RSU1: variants seen among roughly 807,000 people sequenced by gnomAD.
The protein encoded by RSU1 is rsu-1.
In RSU1, 26 loss-of-function variants were observed where a neutral mutation model predicts 31.1. The observed-to-expected ratio is 0.84, with a 90% CI of 0.61 to 1.16. The LOEUF (loss-of-function observed/expected upper bound fraction) is 1.16. Ranked by LOEUF, RSU1 falls within the 50% of genes most tolerant of loss-of-function variation. The pLI, the probability that RSU1 is intolerant of heterozygous loss-of-function variation, is 0.00. For missense variants in RSU1, 320 were observed against 339.1 expected (o/e 0.94, Z 0.44); for synonymous variants, 164 against 136.3 (o/e 1.20, Z -1.41).
intron 2 of RSU1, among the ~76,000 whole-genome samples, chr10:16,814,529 T>C (rs1838486345): frequency 1.3e-5 from 2 of 151,924 alleles, no homozygotes; most frequent in Non-Finnish European, 2.9e-5. Flanking sequence ...AATACTTGTA[T>C]ATATTAAGCA....
chr10:16,647,479 C>T (rs778200809), intron 8 of RSU1, among the ~76,000 whole-genome samples: 2 of 152,136 alleles, frequency 1.3e-5, no homozygotes, highest in Non-Finnish European at 2.9e-5. Flanking sequence ...CTCATAATAG[C>T]CAGAATAACC....
In RSU1 at chr10:16,752,950, G is replaced by C; in HGVS notation, c.451C>G (p.Pro151Ala). The C allele has an allele frequency of 6.2e-7, 1 of 1,613,926 alleles. No individual in the cohort carries two copies. Among genetic ancestry groups the C allele is most frequent in the South Asian group, 1.1e-5 (1 of 91,060 alleles). Residue 151 changes from proline (P) to alanine (A), a missense_variant, in exon 6 of 9, where the codon CCA becomes GCA. Pro to Ala is a conservative substitution (Grantham distance 27, BLOSUM62 -1). Transcript: ENST00000345264. ...AACTTTGTGAGCTTCCCAATATCTG[G>C]CGGCAGGATTTCAAAATCGTTGTCA... is the stretch of plus-strand genomic sequence containing the variant. ...LSDNDFEILP[P>A]DIGKLTKLQI...
At chr10:16,746,159 T>C (rs993694741) in intron 7 of RSU1, among the ~76,000 whole-genome samples, 1 of 152,204 alleles carries the variant, frequency 6.6e-6, no homozygotes, top group Non-Finnish European at 1.5e-5. Context: ...TGAAGGGGAT[T>C]AGTATTTGTT....
chr10:16,806,076 G>A (rs959336057), intron 2 of RSU1, among the ~76,000 whole-genome samples: 2 of 152,174 alleles, frequency 1.3e-5, no homozygotes, highest in Non-Finnish European at 2.9e-5. Context: ...TGCACTTATC[G>A]ATACGAATAC....
chr10:16,641,348 C>T (rs572332488), intron 8 of RSU1, among the ~76,000 whole-genome samples: 3 of 152,044 alleles, frequency 2.0e-5, no homozygotes, highest in East Asian at 3.9e-4. Context: ...AAAAATTAAC[C>T]GGGCGTGGTG....
chr10:16,638,522 T>C (rs1834386453), intron 8 of RSU1, among the ~76,000 whole-genome samples: 1 of 152,162 alleles, frequency 6.6e-6, no homozygotes, highest in Non-Finnish European at 1.5e-5. Flanking sequence ...GTTAGTTTCT[T>C]TGCTTCCGCA....
intron 2 of RSU1, among the ~76,000 whole-genome samples, chr10:16,808,179 A>C (rs1201738153): frequency 1.3e-5 from 2 of 151,618 alleles, no homozygotes; most frequent in Admixed American, 1.3e-4. Flanking sequence ...TTTCAGACAC[A>C]CTCAAGAGTG....
intron 8 of RSU1, among the ~76,000 whole-genome samples, chr10:16,639,779 T>C (rs1564295268): frequency 6.6e-6 from 1 of 152,182 alleles, no homozygotes; most frequent in Non-Finnish European, 1.5e-5. Context: ...TTTGTTCAGG[T>C]TTTTCCTATT....
intron 7 of RSU1, among the ~76,000 whole-genome samples, chr10:16,746,249 A>G (rs1349543864): frequency 6.6e-6 from 1 of 152,234 alleles, no homozygotes; most frequent in East Asian, 1.9e-4. Context: ...TTGTGGGCAC[A>G]TATTGCAGGG....
At chr10:16,611,277 G>A (rs1833887798) in intron 8 of RSU1, among the ~76,000 whole-genome samples, 1 of 152,154 alleles carries the variant, frequency 6.6e-6, no homozygotes, top group African/African-American at 2.4e-5. Flanking sequence ...CGGGCTGCAG[G>A]GAAGTCTCCA....
Position 16,688,938 on chromosome 10 carries a change from A to C in RSU1, c.731+6085T>G, listed in dbSNP as rs7081281. 9.7e-3 allele frequency among the ~76,000 whole-genome samples: 1,428 copies of C among 147,960 alleles called. 25 individuals are homozygous for C. Among genetic ancestry groups the C allele is most frequent in the African/African-American group, 0.036 (1,339 of 37,652 alleles). ...CAGGGGGATTGCTTGAGCCCTGGAG[A>C]TCAAGGCTGCAGTGAGCTATCATGG... On this transcript the variant is annotated intron_variant, in intron 8 of 8. Transcript: ENST00000345264.
Position 16,645,924 on chromosome 10 carries a change from ATATACACATATGTGTATATATATG to A in RSU1, c.731+49075_731+49098del, listed in dbSNP as rs1834543581. Among the ~76,000 whole-genome samples, 2 of 27,418 alleles carry A rather than the reference ATATACACATATGTGTATATATATG, an allele frequency of 7.3e-5. 1 individual carries two copies. Among genetic ancestry groups the A allele is most frequent in the Non-Finnish European group, 1.5e-4 (2 of 13,092 alleles). The allele number at this position is 27,418 out of a possible 152,430, so 18.0% of individuals were successfully genotyped here. The stretch of plus-strand genomic sequence containing the variant: ...TACACATATATGTATATATATGTGT[ATATACACATATGTGTATATATATG>A]TGTATATACATATATGTGTATATAT... On this transcript the variant is annotated intron_variant, in intron 8 of 8. Coordinates refer to ENST00000345264, the MANE Select transcript of RSU1 (RefSeq NM_012425.4).
chr10:16,672,311 A>G (rs1229945003), intron 8 of RSU1, among the ~76,000 whole-genome samples: 1 of 151,802 alleles, frequency 6.6e-6, no homozygotes, highest in Non-Finnish European at 1.5e-5. Flanking sequence ...CTCTGTCTCA[A>G]AAAAAAAGGT....
At chr10:16,611,492 ACTG>A (rs1179445206) in intron 8 of RSU1, among the ~76,000 whole-genome samples, 3 of 152,236 alleles carry the variant, frequency 2.0e-5, no homozygotes, top group African/African-American at 7.2e-5. Flanking sequence ...AGACGCTACT[ACTG>A]AGTTCCCATA....
At position 16,702,639 on chromosome 10, in the gene RSU1, G is replaced by A. The variant is rs548014070; in HGVS notation, c.599-7484C>T. Among the ~76,000 whole-genome samples, 10 of 152,322 alleles carry A rather than the reference G, an allele frequency of 6.6e-5. No homozygotes were observed. In the South Asian group the frequency reaches 1.5e-3, roughly 22 times the overall value. On this transcript the variant is annotated intron_variant, in intron 7 of 8. Transcript: ENST00000345264. ...TGGCCAATTTCTCCCTACTGGAACA[G>A]GAGTATTTACCCAATGCCTATACCT...
Position 16,773,296 on chromosome 10 carries a change from G to A in RSU1, c.160+8738C>T, listed in dbSNP as rs150582800. On this transcript the variant is annotated intron_variant, in intron 3 of 8. Coordinates refer to ENST00000345264, the MANE Select transcript of RSU1 (RefSeq NM_012425.4). ...CTCTTCCTACCAGACCTTATGTTTA[G>A]GGTCACTGCATGAGGAGGGCAGGAA... Among the ~76,000 whole-genome samples, 525 of 152,260 alleles carry A rather than the reference G, an allele frequency of 3.4e-3. 4 individuals are homozygous for A. The highest frequency in any genetic ancestry group is 0.012 in the African/African-American group (511 of 41,548).
intron 7 of RSU1, among the ~76,000 whole-genome samples, chr10:16,748,605 C>T (rs1836907719): frequency 1.3e-5 from 2 of 152,180 alleles, no homozygotes; most frequent in Admixed American, 1.3e-4. Flanking sequence ...CGGACAATGT[C>T]CTACCAGTTC....
intron 7 of RSU1, among the ~76,000 whole-genome samples, chr10:16,738,498 A>C (rs1334728900): frequency 2.0e-5 from 3 of 152,178 alleles, no homozygotes. Flanking sequence ...GCTTTCACCT[A>C]AACAAGCTAG....
At chr10:16,772,514 G>A (rs1457809649) in intron 3 of RSU1, among the ~76,000 whole-genome samples, 1 of 151,958 alleles carries the variant, frequency 6.6e-6, no homozygotes, top group African/African-American at 2.4e-5. Context: ...AGGCAGCACT[G>A]AGAGGAAAGG....
Sources: gnomAD v4.1 joint callset for allele counts (sites outside exome capture counted in the v4.1 genomes callset) on GRCh38, gnomAD v4.1.1 for gene constraint, MANE v1.5 for transcripts, NCBI Gene and HGNC (gene_info 2026-07-23, HGNC 2026-07-21) for gene names.